PDZD8: variants seen among roughly 807,000 people sequenced by gnomAD.
PDZD8 encodes the protein PDZ domain-containing protein 8.
PDZD8 carries 14 observed loss-of-function variants against 85.8 expected under a neutral mutation model. That is an observed-to-expected ratio of 0.16 (90% CI 0.11 to 0.26). PDZD8 has a LOEUF of 0.26. Ranked by LOEUF, PDZD8 falls within the 10% of genes least tolerant of loss-of-function variation. The probability of loss-of-function intolerance (pLI) is 1.00; values close to 1 mark genes in which losing one functional copy is unlikely to be tolerated. For missense variants in PDZD8, 1,197 were observed against 1,424.3 expected (o/e 0.84, Z 2.57); for synonymous variants, 592 against 568.6 (o/e 1.04, Z -0.59).
chr10:117,364,742 A>G (rs1266133134), intron 1 of PDZD8, among the ~76,000 whole-genome samples: 2 of 152,120 alleles, frequency 1.3e-5, no homozygotes, highest in Non-Finnish European at 2.9e-5. Context: ...GACGAAAGAT[A>G]AGGTCAGAGG....
At chr10:117,367,587 T>G (rs543491794) in intron 1 of PDZD8, among the ~76,000 whole-genome samples, 6 of 152,338 alleles carry the variant, frequency 3.9e-5, no homozygotes, top group African/African-American at 1.4e-4. Flanking sequence ...GGAAATCCAA[T>G]GTGCAAGAAG....
intron 1 of PDZD8, among the ~76,000 whole-genome samples, chr10:117,370,214 ATAT>A (rs1845164766): frequency 1.3e-5 from 2 of 152,212 alleles, no homozygotes; most frequent in African/African-American, 2.4e-5. Context: ...TATTGTCTAC[ATAT>A]TATAATTCAT....
chr10:117,366,438 G>GTT, intron 1 of PDZD8, among the ~76,000 whole-genome samples: 1 of 152,134 alleles, frequency 6.6e-6, no homozygotes, highest in East Asian at 1.9e-4. Flanking sequence ...GGTAAACATT[G>GTT]TAACTGTTGA....
chr10:117,375,052 T>C lies in PDZD8; in HGVS notation c.176A>G (p.Tyr59Cys). Residue 59 changes from tyrosine (Y) to cysteine (C), a missense_variant, in exon 1 of 5, where the codon TAC becomes TGC. Around this residue, in one of 4 missense-constraint regions of PDZD8, gnomAD observed 172 missense variants for 137.8 expected, o/e 1.25. Coordinates refer to ENST00000334464, the MANE Select transcript of PDZD8 (RefSeq NM_173791.5). Reference sequence around the variant, plus strand: ...CTCATCCCGGCCGCCGCCATAAAGGTACTCCCTTAGGAGCAGGCCCGGCAC... The same window carrying C: ...CTCATCCCGGCCGCCGCCATAAAGGCACTCCCTTAGGAGCAGGCCCGGCAC... ...KPVPGLLLRE[Y>C]LYGGGRDEEP... 1.3e-6 allele frequency: 2 copies of C among 1,598,670 alleles called. No individual in the cohort carries two copies. The highest frequency in any genetic ancestry group is 1.7e-6 in the Non-Finnish European group (2 of 1,174,706).
intron 1 of PDZD8, among the ~76,000 whole-genome samples, chr10:117,348,210 T>A (rs907497569): frequency 6.6e-6 from 1 of 152,210 alleles, no homozygotes; most frequent in East Asian, 1.9e-4. Context: ...GTTAGAATTG[T>A]CTGATAAAAT....
intron 2 of PDZD8, among the ~76,000 whole-genome samples, chr10:117,328,558 C>T (rs746583073): frequency 2.0e-5 from 3 of 152,008 alleles, no homozygotes; most frequent in African/African-American, 4.8e-5. Flanking sequence ...ACTACAGGCA[C>T]GAGCCACCAT....
intron 1 of PDZD8, among the ~76,000 whole-genome samples, chr10:117,366,983 G>C (rs79313757): frequency 6.6e-6 from 1 of 152,206 alleles, no homozygotes; most frequent in Non-Finnish European, 1.5e-5. Context: ...AGTAATACTT[G>C]TAAGTCAACG....
Position 117,375,328 on chromosome 10 carries a change from T to A in PDZD8, c.-101A>T. The A allele has an allele frequency of 8.6e-7, 1 of 1,161,506 alleles. No homozygotes were observed. Among genetic ancestry groups the A allele is most frequent in the Non-Finnish European group, 1.1e-6 (1 of 874,640 alleles). 71.9% of individuals were successfully genotyped at this position (1,161,506 alleles called of 1,614,324 possible). On this transcript the variant is annotated 5_prime_UTR_variant, in exon 1 of 5. Coordinates refer to ENST00000334464, the MANE Select transcript of PDZD8 (RefSeq NM_173791.5). ...CTCCATTTTGAGGACATCGGGCGGC[T>A]GGGTCGGGGCGAGCGGCTCCGTGGG...
chr10:117,302,820 T>A (rs1843869566), intron 3 of PDZD8, among the ~76,000 whole-genome samples: 1 of 152,210 alleles, frequency 6.6e-6, no homozygotes, highest in African/African-American at 2.4e-5. Context: ...GGGTTTCCGC[T>A]TTTGCTTCTT....
intron 1 of PDZD8, among the ~76,000 whole-genome samples, chr10:117,344,079 A>T (rs961773740): frequency 6.6e-6 from 1 of 152,216 alleles, no homozygotes; most frequent in Non-Finnish European, 1.5e-5. Flanking sequence ...GCTTCCCCGC[A>T]AAATAGTCTT....
In PDZD8 at chr10:117,279,701, A is replaced by G. The variant is rs1022905481; in HGVS notation, c.*3567T>C. The G allele has an allele frequency of 1.3e-4, 20 of 152,228 alleles. No individual in the cohort carries two copies. Among genetic ancestry groups the G allele is most frequent in the African/African-American group, 4.8e-4 (20 of 41,454 alleles). The allele number at this position is 152,228 out of a possible 1,614,324, so 9.4% of individuals were successfully genotyped here. A position where few individuals can be genotyped will look rare whatever the true frequency, so the allele number is the denominator to read the frequency against. Reference sequence around the variant, plus strand: ...CATTGTTGTCCTGATGGTTGTCAACAAATAACCATATCTGATGAAAACAGC... The same window carrying G: ...CATTGTTGTCCTGATGGTTGTCAACGAATAACCATATCTGATGAAAACAGC... On this transcript the variant is annotated 3_prime_UTR_variant, in exon 5 of 5. Coordinates refer to ENST00000334464, the MANE Select transcript of PDZD8 (RefSeq NM_173791.5).
intron 1 of PDZD8, among the ~76,000 whole-genome samples, chr10:117,351,095 G>A (rs935901399): frequency 2.6e-5 from 4 of 152,042 alleles, no homozygotes; most frequent in African/African-American, 9.7e-5. Flanking sequence ...TGCTGGTTTC[G>A]ACTATTAAAA....
Position 117,328,764 on chromosome 10 carries a change from C to T in PDZD8, c.996-9790G>A, listed in dbSNP as rs190474730. ...GGGAGTTTTCATTCTATTTGCAGAA[C>T]AGAAGCTGTCTTAATTCATGAATCA... On this transcript the variant is annotated intron_variant, in intron 2 of 4. Transcript: ENST00000334464. Among the ~76,000 whole-genome samples, 30 of 152,180 alleles carry T rather than the reference C, an allele frequency of 2.0e-4. 1 individual carries two copies. The highest frequency in any genetic ancestry group is 1.9e-4 in the Non-Finnish European group (13 of 68,012).
At chr10:117,332,584 G>A (rs967313768) in intron 2 of PDZD8, among the ~76,000 whole-genome samples, 6 of 137,676 alleles carry the variant, frequency 4.4e-5, no homozygotes, top group Admixed American at 1.6e-4. Context: ...TTGACTCACC[G>A]CAACCTCCGC....
In PDZD8 at chr10:117,374,290, C is replaced by A; in HGVS notation, c.872+66G>T. 1.9e-6 allele frequency: 3 copies of A among 1,578,586 alleles called. No homozygotes were observed. The highest frequency in any genetic ancestry group is 1.2e-5 in the South Asian group (1 of 83,900). ...GAAATGAGCCTTTGCCCTTCCCAAT[C>A]CACGCAGCGTCCCGCCCAGGCCCGG... On this transcript the variant is annotated intron_variant, in intron 1 of 4. Coordinates refer to ENST00000334464, the MANE Select transcript of PDZD8 (RefSeq NM_173791.5). This position sits in a 1 kb window ranked among gnomAD's most constrained non-coding sequence, Gnocchi z 7.8.
intron 1 of PDZD8, among the ~76,000 whole-genome samples, chr10:117,373,737 G>T (rs940376531): frequency 6.6e-6 from 1 of 151,654 alleles, no homozygotes; most frequent in Non-Finnish European, 1.5e-5. Flanking sequence ...CCGAGATCGC[G>T]CCACTGTACT....
rs771635756 is a variant in PDZD8 at position 117,284,557 on chromosome 10, G to C, written c.2176C>G (p.Leu726Val). ...WCRDPFKLGG[L>V]ICLGHVSLKL... ...AAACTAACATGCCCCAAACAGATGAGACCTCCCAACTTGAAAGGATCCCTG... is the reference window on the plus strand; with the variant it reads ...AAACTAACATGCCCCAAACAGATGACACCTCCCAACTTGAAAGGATCCCTG... The change falls in exon 5 of 5, where the codon CTC (leucine) becomes GTC (valine). Residue 726 changes from leucine (L) to valine (V), a missense_variant. By Grantham distance (32) the Leu-to-Val change is conservative. Transcript: ENST00000334464. 6.2e-7 allele frequency: 1 copy of C among 1,614,138 alleles called. No homozygotes were observed. Among genetic ancestry groups the C allele is most frequent in the South Asian group, 1.1e-5 (1 of 91,080 alleles).
chr10:117,343,399 T>C (rs1482211771), intron 1 of PDZD8, among the ~76,000 whole-genome samples: 3 of 152,202 alleles, frequency 2.0e-5, no homozygotes, highest in African/African-American at 7.2e-5. Flanking sequence ...TTTGAAGTCA[T>C]TTGATTCAGA....
At chr10:117,348,658 A>G (rs141111611) in intron 1 of PDZD8, among the ~76,000 whole-genome samples, 15 of 152,340 alleles carry the variant, frequency 9.8e-5, no homozygotes, top group African/African-American at 3.6e-4. Flanking sequence ...CTTATAAGGA[A>G]ACCAGTTTTA....
Sources: gnomAD v4.1 joint callset for allele counts (sites outside exome capture counted in the v4.1 genomes callset) on GRCh38, gnomAD v4.1.1 for gene constraint, gnomAD v4.1.1 regional missense constraint, Gnocchi (gnomAD v3.1) non-coding constraint, MANE v1.5 for transcripts, NCBI Gene and HGNC (gene_info 2026-07-23, HGNC 2026-07-21) for gene names.